The following ADGRB3 variants were observed in gnomAD, a reference collection of about 807,000 sequenced individuals.
ADGRB3 encodes the protein adhesion G protein-coupled receptor B3.
In ADGRB3, 37 loss-of-function variants were observed where a neutral mutation model predicts 193.4. The observed-to-expected ratio is 0.19, with a 90% confidence interval of 0.15 to 0.25. The LOEUF is 0.25. ADGRB3 is among the 10% of genes least tolerant of loss of function. The pLI is 1.00. For synonymous variants in ADGRB3, 690 were observed against 644.2 expected, an observed-to-expected ratio of 1.07 and a Z score of -1.08; for missense variants, 1,637 against 1,852.9, an observed-to-expected ratio of 0.88 and a Z score of 2.14.
intron 8 of ADGRB3, among the ~76,000 whole-genome samples, chr6:68,969,436 T>C (rs550131620): frequency 6.6e-6 from 1 of 152,296 alleles, no homozygotes; most frequent in South Asian, 2.1e-4. Context: ...GTGATGGGAA[T>C]GGTAGGCTAC....
At chr6:69,376,043 G>A (rs1769810666) in intron 30 of ADGRB3, among the ~76,000 whole-genome samples, 1 of 134,676 alleles carries the variant, frequency 7.4e-6, no homozygotes, top group South Asian at 2.6e-4. Context: ...AAAATGCAGA[G>A]ATAAAAATTT....
At chr6:68,996,808 AC>A (rs1582381043) in intron 11 of ADGRB3, among the ~76,000 whole-genome samples, 1 of 152,066 alleles carries the variant, frequency 6.6e-6, no homozygotes, top group East Asian at 1.9e-4. Context: ...CCATCTTTGG[AC>A]CCTAGCCAAG....
rs546484965 is a variant in ADGRB3, at chr6:68,643,995, T to A, written c.757+4563T>A. On this transcript the variant is annotated intron_variant, in intron 3 of 31. Coordinates refer to ENST00000370598, the MANE Select transcript of ADGRB3 (RefSeq NM_001704.3). ...AGTTCTTCAAGTAAAATAAAAACAATAAACAAACAAACAAACAACAAACAA... is the reference window on the plus strand; with the variant it reads ...AGTTCTTCAAGTAAAATAAAAACAAAAAACAAACAAACAAACAACAAACAA... 8.9e-5 allele frequency among the ~76,000 whole-genome samples: 13 copies of A among 145,762 alleles called. No homozygotes were observed. In the South Asian group the frequency reaches 2.8e-3, roughly 32 times the overall value.
At chr6:69,326,672 A>G (rs1768577043) in intron 21 of ADGRB3, among the ~76,000 whole-genome samples, 3 of 152,136 alleles carry the variant, frequency 2.0e-5, no homozygotes, top group Non-Finnish European at 4.4e-5. Context: ...TCTAAATTGT[A>G]TGAAATAAAT....
At chr6:69,075,965 A>G in intron 16 of ADGRB3, 30 bp from the exon 17 acceptor site, 7 of 1,558,658 alleles carry the variant, frequency 4.5e-6, no homozygotes, top group Non-Finnish European at 6.2e-6. Context: ...TACTCAAGAT[A>G]TATGCATTCT....
At chr6:69,132,519 A>G (rs1181259752) in intron 17 of ADGRB3, among the ~76,000 whole-genome samples, 2 of 152,014 alleles carry the variant, frequency 1.3e-5, no homozygotes, top group Non-Finnish European at 2.9e-5. Flanking sequence ...TGGCTTCTGG[A>G]TATCAGCCCT....
chr6:69,092,034 T>G (rs1045504434), intron 17 of ADGRB3, among the ~76,000 whole-genome samples: 3 of 152,238 alleles, frequency 2.0e-5, no homozygotes, highest in African/African-American at 7.2e-5. Context: ...TTCCATTTTT[T>G]AAGCTTCATC....
intron 20 of ADGRB3, among the ~76,000 whole-genome samples, chr6:69,296,590 TC>T (rs1163518699): frequency 6.6e-6 from 1 of 152,144 alleles, no homozygotes; most frequent in Non-Finnish European, 1.5e-5. Context: ...TGAAAATTAC[TC>T]CGTATAAAGT....
intron 16 of ADGRB3, 104 bp downstream of exon 16, chr6:69,063,140 T>A: frequency 1.3e-6 from 1 of 769,634 alleles, no homozygotes; most frequent in Non-Finnish European, 2.1e-6. Context: ...CTTTTATAGT[T>A]GCAAATATAT....
At chr6:69,359,347 T>A (rs1401548684) in intron 28 of ADGRB3, among the ~76,000 whole-genome samples, 1 of 151,612 alleles carries the variant, frequency 6.6e-6, no homozygotes, top group Non-Finnish European at 1.5e-5. Flanking sequence ...ATCTATTATA[T>A]TAAGACTTTT....
rs546210994 is a variant in ADGRB3 at position 69,191,558 on chromosome 6, G to T, written c.2481-41732G>T. Among the ~76,000 whole-genome samples the T allele has an allele frequency of 2.6e-5, 4 of 152,194 alleles. No individual in the cohort carries two copies. In the South Asian group the frequency reaches 8.3e-4, roughly 32 times the overall value. On this transcript the variant is annotated intron_variant, in intron 17 of 31. Transcript: ENST00000370598. Reference sequence around the variant, plus strand: ...TGGTTGCATAATAAATATGGCTTAAGTTATCTGAAATAATTATTTTGTGCT... The same window carrying T: ...TGGTTGCATAATAAATATGGCTTAATTTATCTGAAATAATTATTTTGTGCT...
intron 4 of ADGRB3, among the ~76,000 whole-genome samples, chr6:68,932,753 T>G (rs1423777739): frequency 6.6e-6 from 1 of 151,592 alleles, no homozygotes; most frequent in East Asian, 1.9e-4. Context: ...TAATATAAAA[T>G]TTGTTAACAG....
chr6:68,996,286 A>T (rs547541154), intron 11 of ADGRB3, among the ~76,000 whole-genome samples: 1 of 152,082 alleles, frequency 6.6e-6, no homozygotes, highest in Non-Finnish European at 1.5e-5. Context: ...GTCAGCCTCT[A>T]ATTACCTCAG....
intron 3 of ADGRB3, among the ~76,000 whole-genome samples, chr6:68,841,224 A>T (rs1224725914): frequency 1.3e-5 from 2 of 152,150 alleles, no homozygotes; most frequent in Non-Finnish European, 2.9e-5. Context: ...GAAACATCAG[A>T]TTTACTCTTC....
chr6:69,273,208 C>T lies in ADGRB3; in HGVS notation c.2814+33982C>T, dbSNP rs1048719026. Reference sequence around the variant, plus strand: ...GAGCCACTGCGCCTGGCCCTATTACCAGTCTAAATTCTCTCCCATAAAAAT... The same window carrying T: ...GAGCCACTGCGCCTGGCCCTATTACTAGTCTAAATTCTCTCCCATAAAAAT... On this transcript the variant is annotated intron_variant, in intron 20 of 31. Coordinates refer to ENST00000370598, the MANE Select transcript of ADGRB3 (RefSeq NM_001704.3). Among the ~76,000 whole-genome samples, 10 of 152,060 alleles carry T rather than the reference C, an allele frequency of 6.6e-5. No individual in the cohort carries two copies. The East Asian group carries it at 1.9e-3, about 29-fold the overall frequency.
rs181972160 is a variant in ADGRB3 at position 69,374,704 on chromosome 6, T to G, written c.4275+2263T>G. Among the ~76,000 whole-genome samples the G allele has an allele frequency of 2.2e-4, 33 of 152,226 alleles. No individual in the cohort carries two copies. In the East Asian group the frequency reaches 5.4e-3, roughly 25 times the overall value. ...TACAGAAAATACTGTAGTGATATTC[T>G]TGTGTTCTGTAACCAAATGCCTTAT... On this transcript the variant is annotated intron_variant, in intron 30 of 31. Transcript: ENST00000370598.
intron 3 of ADGRB3, among the ~76,000 whole-genome samples, chr6:68,661,984 A>T (rs1561986681): frequency 6.6e-6 from 1 of 151,512 alleles, no homozygotes; most frequent in Non-Finnish European, 1.5e-5. Context: ...TAAATTTTTT[A>T]AACAAAGTAC....
intron 26 of ADGRB3, among the ~76,000 whole-genome samples, chr6:69,345,774 G>A (rs1246871295): frequency 6.6e-6 from 1 of 152,090 alleles, no homozygotes; most frequent in Non-Finnish European, 1.5e-5. Context: ...GCAAGAGAAA[G>A]AAATAAAGGG....
chr6:69,324,556 T>A (rs1251081847), intron 20 of ADGRB3, among the ~76,000 whole-genome samples: 3 of 152,156 alleles, frequency 2.0e-5, no homozygotes, highest in African/African-American at 7.2e-5. Context: ...AAAAGAGAAT[T>A]TTCATAATTA....
Sources: gnomAD v4.1 joint callset for allele counts (sites outside exome capture counted in the v4.1 genomes callset) on GRCh38, gnomAD v4.1.1 for gene constraint, MANE v1.5 for transcripts, NCBI Gene and HGNC (gene_info 2026-07-23, HGNC 2026-07-21) for gene names.